DDX1: variants seen among roughly 807,000 people sequenced by gnomAD.
DDX1 encodes the protein ATP-dependent RNA helicase DDX1.
In DDX1, 28 loss-of-function variants were observed where a neutral mutation model predicts 108.7. That is an observed-to-expected ratio of 0.26 (90% confidence interval 0.19 to 0.35). The LOEUF is 0.35. DDX1 is among the 10% of genes least tolerant of loss of function. The pLI is 1.00. For synonymous variants in DDX1, 295 were observed against 288.9 expected, an observed-to-expected ratio of 1.02 and a Z score of -0.21; for missense variants, 710 against 884.5, an observed-to-expected ratio of 0.80 and a Z score of 2.50.
rs1027789649 is a variant in DDX1, at chr2:15,595,332, G to A, written c.68+136G>A. On this transcript the variant is annotated intron_variant, in intron 2 of 25. Transcript: ENST00000233084. ...TTTTTTTTGTGATTTTCTAAATTAT[G>A]GAAAGTTTCCTTTTTTTAACCTTGA... 7.2e-5 allele frequency: 67 copies of A among 934,334 alleles called. No homozygotes were observed. The African/African-American group carries it at 1.0e-3, about 14-fold the overall frequency. 57.9% of individuals were successfully genotyped at this position (934,334 alleles called of 1,614,324 possible). A position where few individuals can be genotyped will look rare whatever the true frequency, so the allele number is the denominator to read the frequency against.
At chr2:15,595,929 A>G (rs1665489866) in intron 3 of DDX1, among the ~76,000 whole-genome samples, 2 of 152,090 alleles carry the variant, frequency 1.3e-5, no homozygotes, top group African/African-American at 4.8e-5. Flanking sequence ...CTGTTGCCCA[A>G]GCTGGAGTGC....
At chr2:15,595,781 G>T (rs1332134703) in intron 3 of DDX1, among the ~76,000 whole-genome samples, 4 of 152,182 alleles carry the variant, frequency 2.6e-5, no homozygotes, top group Non-Finnish European at 4.4e-5. Context: ...AGAGAATGTG[G>T]CTTCTTCGTA....
intron 12 of DDX1, among the ~76,000 whole-genome samples, chr2:15,606,602 C>T (rs1665666570): frequency 6.6e-6 from 1 of 152,240 alleles, no homozygotes; most frequent in South Asian, 2.1e-4. Flanking sequence ...TCCCATTTTA[C>T]AGACAACCTA....
chr2:15,623,211 T>C (rs771349693), intron 18 of DDX1, among the ~76,000 whole-genome samples: 3 of 152,154 alleles, frequency 2.0e-5, no homozygotes, highest in Non-Finnish European at 2.9e-5. Flanking sequence ...CCCCATAAAG[T>C]AGCATAAAAA....
At chr2:15,630,175 G>A in intron 25 of DDX1, 65 bp downstream of exon 25, 3 of 1,512,678 alleles carry the variant, frequency 2.0e-6, no homozygotes, top group Non-Finnish European at 2.7e-6. Context: ...ACTTCGGTTT[G>A]GGAAGGCAGT....
At chr2:15,610,335 C>T (rs1665731425) in intron 13 of DDX1, among the ~76,000 whole-genome samples, 1 of 152,198 alleles carries the variant, frequency 6.6e-6, no homozygotes, top group South Asian at 2.1e-4. Context: ...TTAAGATAGA[C>T]TATGCCTAAC....
chr2:15,612,701 C>T (rs964525955), intron 13 of DDX1, among the ~76,000 whole-genome samples: 3 of 152,190 alleles, frequency 2.0e-5, no homozygotes, highest in African/African-American at 7.2e-5. Context: ...CGCCACTGCA[C>T]TCCAGCCTGG....
At chr2:15,603,789 A>C in intron 8 of DDX1, 25 bp from the exon 9 acceptor site, 1 of 1,517,120 alleles carries the variant, frequency 6.6e-7, no homozygotes, top group Non-Finnish European at 9.0e-7. Flanking sequence ...TCTTACCAGA[A>C]AAGTAAAATA....
intron 13 of DDX1, among the ~76,000 whole-genome samples, chr2:15,612,463 G>A (rs945335076): frequency 6.6e-6 from 1 of 151,506 alleles, no homozygotes; most frequent in Admixed American, 6.6e-5. Context: ...GCCGGGAAGA[G>A]GTGCTCCTCA....
At chr2:15,605,501 T>G (rs923025819) in intron 10 of DDX1, among the ~76,000 whole-genome samples, 1 of 152,052 alleles carries the variant, frequency 6.6e-6, no homozygotes, top group African/African-American at 2.4e-5. Context: ...ATTAGAGAGC[T>G]GTTTTGGTGG....
intron 24 of DDX1, 23 bp from the exon 25 acceptor site, chr2:15,629,967 G>T: frequency 6.4e-7 from 1 of 1,556,844 alleles, no homozygotes. Context: ...TTTTTATTTG[G>T]AAATTTTCTC....
intron 1 of DDX1, among the ~76,000 whole-genome samples, chr2:15,592,330 C>A (rs957409797): frequency 6.6e-6 from 1 of 152,204 alleles, no homozygotes; most frequent in Non-Finnish European, 1.5e-5. Context: ...TTTCTGCCCG[C>A]GGCTCATCTG....
chr2:15,612,237 C>T (rs1026997477), intron 13 of DDX1, among the ~76,000 whole-genome samples: 21 of 151,914 alleles, frequency 1.4e-4, no homozygotes, highest in African/African-American at 4.8e-4. Flanking sequence ...GGTGACGCTC[C>T]TCACTTCTCA....
chr2:15,613,434 C>A, intron 14 of DDX1, 150 bp downstream of exon 14: 1 of 496,538 alleles, frequency 2.0e-6, no homozygotes, highest in South Asian at 4.4e-5. Context: ...TGCAAGTGCG[C>A]CTTTTCTTCT....
chr2:15,595,448 T>G, intron 2 of DDX1, 42 bp from the exon 3 acceptor site: 1 of 1,541,966 alleles, frequency 6.5e-7, no homozygotes. Flanking sequence ...TAGGCGATTT[T>G]TTTCCCCAGT....
chr2:15,626,867 C>T (rs1310534172), intron 19 of DDX1, among the ~76,000 whole-genome samples, 187 bp from the exon 20 acceptor site: 1 of 151,992 alleles, frequency 6.6e-6, no homozygotes, highest in African/African-American at 2.4e-5. Flanking sequence ...TTTAATGCTC[C>T]GTAGAGTTCA....
chr2:15,615,846 G>A (rs1487239743), intron 14 of DDX1, among the ~76,000 whole-genome samples: 1 of 152,096 alleles, frequency 6.6e-6, no homozygotes, highest in African/African-American at 2.4e-5. Flanking sequence ...TACCTTATTT[G>A]TGCTCACATA....
chr2:15,618,946 C>T (rs1439698387), intron 16 of DDX1, among the ~76,000 whole-genome samples: 1 of 152,222 alleles, frequency 6.6e-6, no homozygotes, highest in Non-Finnish European at 1.5e-5. Flanking sequence ...TGGGTGTTGA[C>T]AGCAGGGAGA....
intron 4 of DDX1, among the ~76,000 whole-genome samples, chr2:15,597,148 T>G (rs1325737390): frequency 6.6e-6 from 1 of 152,230 alleles, no homozygotes; most frequent in African/African-American, 2.4e-5. Context: ...TCTACCAGTC[T>G]CCATTGTTCT....
Sources: gnomAD v4.1 joint callset for allele counts (sites outside exome capture counted in the v4.1 genomes callset) on GRCh38, gnomAD v4.1.1 for gene constraint, MANE v1.5 for transcripts, NCBI Gene and HGNC (gene_info 2026-07-23, HGNC 2026-07-21) for gene names.